FCRL5: variants seen among roughly 807,000 people sequenced by gnomAD.
The protein encoded by FCRL5 is Fc receptor like 5.
In FCRL5, 79 loss-of-function variants were observed where a neutral mutation model predicts 92.1. The observed-to-expected ratio is 0.86, with a 90% CI of 0.72 to 1.03. The LOEUF (loss-of-function observed/expected upper bound fraction) is 1.03, where lower values mean the gene tolerates loss of function less well. Among genes scored for constraint, FCRL5 ranks in the 50% least tolerant of loss-of-function variants. The pLI, the probability that FCRL5 is intolerant of heterozygous loss-of-function variation, is 0.00. For missense variants in FCRL5, 1,160 were observed against 1,181.1 expected, an observed-to-expected ratio of 0.98 and a Z score of 0.26; for synonymous variants, 466 against 469.3, an observed-to-expected ratio of 0.99 and a Z score of 0.09.
Position 157,517,820 on chromosome 1 carries a change from G to A in FCRL5, c.2812+609C>T, listed in dbSNP as rs151069335. Among the ~76,000 whole-genome samples, 155 of 152,306 alleles carry A rather than the reference G, an allele frequency of 1.0e-3. 1 individual carries two copies. Among genetic ancestry groups the A allele is most frequent in the Middle Eastern group, 3.4e-3 (1 of 294 alleles). On this transcript the variant is annotated intron_variant, in intron 15 of 16. Transcript: ENST00000361835. ...TAAATATTTGTGTTGCTCTCCAAAT[G>A]TATGGGTTAAAACCTAATCCCCAAT...
At position 157,527,781 on chromosome 1, in the gene FCRL5, C is replaced by A; in HGVS notation, c.1796G>T (p.Trp599Leu). The A allele has an allele frequency of 1.2e-6, 2 of 1,614,090 alleles. No homozygotes were observed. The highest frequency in any genetic ancestry group is 1.7e-6 in the Non-Finnish European group (2 of 1,179,986). The change falls in exon 9 of 17, where the codon TGG becomes TTG. Residue 599 changes from tryptophan (W) to leucine (L), a missense_variant. Trp to Leu is a moderately conservative substitution (Grantham distance 61, BLOSUM62 -2). Transcript: ENST00000361835. ...CAGGGTGACATCCTCATGATAAAAC[C>A]AGTACAGGATTGGGGGAGAGCCTCT... ...APRGSPPILY[W>L]FYHEDVTLGS...
intron 7 of FCRL5, among the ~76,000 whole-genome samples, chr1:157,536,469 A>C (rs1650974664): frequency 6.6e-6 from 1 of 152,042 alleles, no homozygotes; most frequent in Non-Finnish European, 1.5e-5. Flanking sequence ...TCCCTCCTTC[A>C]CGCCTGGCTG....
chr1:157,535,433 T>G (rs1650926386), intron 7 of FCRL5, among the ~76,000 whole-genome samples: 1 of 152,188 alleles, frequency 6.6e-6, no homozygotes, highest in South Asian at 2.1e-4. Context: ...AAAAACAACT[T>G]TATTTGTATT....
At chr1:157,520,074 GGAAAATTACT>G (rs1381400992) in intron 12 of FCRL5, among the ~76,000 whole-genome samples, 1 of 152,118 alleles carries the variant, frequency 6.6e-6, no homozygotes, top group African/African-American at 2.4e-5. Flanking sequence ...TTAAAAAATC[GGAAAATTACT>G]GAATCCTATC....
rs138313719 is a variant in FCRL5, at chr1:157,545,180, G to T, written c.308-98C>A. On this transcript the variant is annotated intron_variant, in intron 3 of 16. Transcript: ENST00000361835. ...GATTTTATTTTAAAAAAATGGGTTG[G>T]GAAAAAGAACTCTTAAAATAATTAT... The T allele has an allele frequency of 9.1e-4, 1,209 of 1,334,498 alleles. 15 individuals are homozygous for T. In the African/African-American group the frequency reaches 0.017, roughly 18 times the overall value. 82.7% of individuals were successfully genotyped at this position (1,334,498 alleles called of 1,614,324 possible).
chr1:157,535,943 G>GTTTTTTTTTTTC, intron 7 of FCRL5, among the ~76,000 whole-genome samples: 1 of 90,036 alleles, frequency 1.1e-5, no homozygotes, highest in African/African-American at 3.8e-5. Context: ...ATGTGACTCA[G>GTTTTTTTTTTTC]TTTTTTTTTT....
intron 2 of FCRL5, among the ~76,000 whole-genome samples, chr1:157,549,132 G>T (rs1158692678): frequency 6.6e-6 from 1 of 152,102 alleles, no homozygotes; most frequent in Non-Finnish European, 1.5e-5. Context: ...CATGTCCTTT[G>T]TAGGGACATG....
chr1:157,536,763 G>A (rs1391688488), intron 7 of FCRL5, among the ~76,000 whole-genome samples: 1 of 152,224 alleles, frequency 6.6e-6, no homozygotes, highest in Non-Finnish European at 1.5e-5. Context: ...GTCTCATCTT[G>A]TTGCGGGAAG....
chr1:157,521,190 AG>A lies in FCRL5; in HGVS notation c.2341del (p.Leu781Ter). On this transcript the variant is annotated frameshift_variant, in exon 11 of 17. Coordinates refer to ENST00000361835, the MANE Select transcript of FCRL5 (RefSeq NM_031281.3). LOFTEE classifies it high-confidence loss of function. ...CTCATGAAAAAACCGGTACAGGATC[AG>A]GGGAGAGCCTCTCAGGGCCTCACAG... ...LHCEALRGSP[L>X]ILYRFFHEDV... 1 of 1,614,160 alleles carries A rather than the reference AG, an allele frequency of 6.2e-7. No individual in the cohort carries two copies.
At chr1:157,528,362 T>G (rs890129627) in intron 8 of FCRL5, 3 of 152,280 alleles carry the variant, frequency 2.0e-5, no homozygotes, top group African/African-American at 7.2e-5. Context: ...ATGGGTAGAA[T>G]CAATATTGTG....
chr1:157,524,639 T>A, intron 9 of FCRL5, 82 bp from the exon 10 acceptor site: 3 of 1,446,108 alleles, frequency 2.1e-6, no homozygotes, highest in Non-Finnish European at 2.8e-6. Context: ...AATGGAAGAA[T>A]GTTTTTCTCA....
chr1:157,531,098 C>T (rs1407301247), intron 8 of FCRL5, among the ~76,000 whole-genome samples: 5 of 151,920 alleles, frequency 3.3e-5, no homozygotes, highest in Non-Finnish European at 5.9e-5. Context: ...GTGTTAACAT[C>T]CAGAATATAT....
At chr1:157,551,131 A>G (rs1193604421) in intron 1 of FCRL5, among the ~76,000 whole-genome samples, 1 of 152,236 alleles carries the variant, frequency 6.6e-6, no homozygotes, top group African/African-American at 2.4e-5. Flanking sequence ...TCATATAACC[A>G]TGTCAATAAT....
rs1650878267 is a variant in FCRL5, at chr1:157,534,749, T to G, written c.1546A>C (p.Ser516Arg). 4 of 1,614,098 alleles carry G rather than the reference T, an allele frequency of 2.5e-6. No homozygotes were observed. The highest frequency in any genetic ancestry group is 3.4e-6 in the Non-Finnish European group (4 of 1,180,008). The stretch of plus-strand genomic sequence containing the variant: ...CTTCCCACAGAGGGTGTTGAGCTGC[T>G]CCACAGGGGCATGTCCTCATGATAA... ...QFYHEDMPLWSSSTPSVGRVS... is the reference protein window; with the variant it reads ...QFYHEDMPLWRSSTPSVGRVS... Residue 516 changes from serine (S) to arginine (R), a missense_variant, in exon 8 of 17, where the codon AGC (serine) becomes CGC (arginine). By Grantham distance (110) the Ser-to-Arg change is moderately radical (BLOSUM62 -1). Transcript: ENST00000361835.
chr1:157,532,119 G>A (rs534736394), intron 8 of FCRL5: 1 of 152,266 alleles, frequency 6.6e-6, no homozygotes, highest in African/African-American at 2.4e-5. Flanking sequence ...CAATTAAGAC[G>A]AAAAGGTTGA....
chr1:157,543,029 A>C lies in FCRL5; in HGVS notation c.953T>G (p.Leu318Trp), dbSNP rs143036401. The C allele has an allele frequency of 6.2e-7, 1 of 1,614,114 alleles. No individual in the cohort carries two copies. The highest frequency in any genetic ancestry group is 1.7e-5 in the Admixed American group (1 of 60,016). ...GACACCCTCATGATAAAACCTGTACAAAGTGCGCAGAGAATCTTCCTGGGT... is the reference window on the plus strand; with the variant it reads ...GACACCCTCATGATAAAACCTGTACCAAGTGCGCAGAGAATCTTCCTGGGT... ...CETQEDSLRTLYRFYHEGVPL... is the reference protein window; with the variant it reads ...CETQEDSLRTWYRFYHEGVPL... Residue 318 changes from leucine (L) to tryptophan (W), a missense_variant, in exon 6 of 17, where the codon TTG (leucine) becomes TGG (tryptophan). Leu to Trp is a moderately conservative substitution (Grantham distance 61). Transcript: ENST00000361835.
chr1:157,520,527 C>A lies in FCRL5; in HGVS notation c.2536G>T (p.Gly846Cys). 6.3e-7 allele frequency: 1 copy of A among 1,582,040 alleles called. No homozygotes were observed. The part of the protein sequence containing the change: ...YITGLTANRS[G>C]PFATGVAGGL... Reference sequence around the variant, plus strand: ...CCGGCGACTCCTGTGGCAAAAGGGCCACTTCTGTTCGCGGTCAGCCCTGAG... The same window carrying A: ...CCGGCGACTCCTGTGGCAAAAGGGCAACTTCTGTTCGCGGTCAGCCCTGAG... Residue 846 changes from glycine to cysteine, a missense_variant, in exon 12 of 17, where the codon GGC (glycine) becomes TGC (cysteine). By Grantham distance (159) the Gly-to-Cys change is radical. Coordinates refer to ENST00000361835, the MANE Select transcript of FCRL5 (RefSeq NM_031281.3).
intron 8 of FCRL5, chr1:157,533,715 A>G (rs146153732): frequency 7.2e-5 from 11 of 152,618 alleles, no homozygotes; most frequent in African/African-American, 2.6e-4. Flanking sequence ...ATGCTGCTGA[A>G]TATGAGAAGA....
intron 2 of FCRL5, among the ~76,000 whole-genome samples, chr1:157,548,932 C>T (rs1171905976): frequency 2.0e-5 from 3 of 152,060 alleles, no homozygotes; most frequent in Middle Eastern, 3.2e-3. Context: ...ATCCCATTAC[C>T]AGGTATATAA....
Sources: gnomAD v4.1 joint callset for allele counts (sites outside exome capture counted in the v4.1 genomes callset) on GRCh38, gnomAD v4.1.1 for gene constraint, MANE v1.5 for transcripts, NCBI Gene and HGNC (gene_info 2026-07-23, HGNC 2026-07-21) for gene names.